Variants in EXOC2 observed in about 807,000 individuals in gnomAD.
The protein encoded by EXOC2 is exocyst complex component 2.
EXOC2 carries 70 observed loss-of-function variants against 131.8 expected under a neutral mutation model. That is an observed-to-expected ratio of 0.53 (90% CI 0.44 to 0.65). The LOEUF (loss-of-function observed/expected upper bound fraction) is 0.65. EXOC2 is among the 30% of genes least tolerant of loss of function. The probability of loss-of-function intolerance (pLI) is 0.00; values close to 1 mark genes in which losing one functional copy is unlikely to be tolerated. For missense variants in EXOC2, 923 were observed against 1,108.6 expected (o/e 0.83, Z 2.38); for synonymous variants, 411 against 398.4 (o/e 1.03, Z -0.38).
chr6:596,029 C>T (rs1167531036), intron 10 of EXOC2, among the ~76,000 whole-genome samples: 1 of 152,102 alleles, frequency 6.6e-6, no homozygotes, highest in African/African-American at 2.4e-5. Flanking sequence ...ACTGTGTGTG[C>T]TGGGCAAGCT....
intron 22 of EXOC2, among the ~76,000 whole-genome samples, chr6:546,803 CA>C (rs1709808985): frequency 6.6e-6 from 1 of 152,198 alleles, no homozygotes; most frequent in African/African-American, 2.4e-5. Context: ...CTGTTTTATT[CA>C]TAAGGCTTCC....
At chr6:677,934 TCACACA>T (rs1554150218) in intron 1 of EXOC2, among the ~76,000 whole-genome samples, 64 of 147,308 alleles carry the variant, frequency 4.3e-4, no homozygotes, top group Non-Finnish European at 6.0e-4. Context: ...TTATAATCTC[TCACACA>T]CACACACACA....
intron 1 of EXOC2, among the ~76,000 whole-genome samples, chr6:648,782 C>T (rs185870591): frequency 1.0e-3 from 146 of 139,466 alleles, no homozygotes; most frequent in African/African-American, 3.5e-3. Context: ...AGAGCAGTAG[C>T]GTGACCACGG....
intron 1 of EXOC2, chr6:670,036 A>T (rs189898851): frequency 1.3e-5 from 2 of 152,346 alleles, no homozygotes; most frequent in East Asian, 3.8e-4. Context: ...TGTCCATTGT[A>T]AGACAGAAAC....
intron 16 of EXOC2, among the ~76,000 whole-genome samples, chr6:563,166 C>G (rs896078033): frequency 1.3e-5 from 2 of 152,178 alleles, no homozygotes; most frequent in African/African-American, 4.8e-5. Flanking sequence ...TAGGCATGTA[C>G]AAAATAAGTC....
intron 25 of EXOC2, among the ~76,000 whole-genome samples, chr6:496,220 A>G (rs1322876260): frequency 6.6e-6 from 1 of 152,236 alleles, no homozygotes; most frequent in Non-Finnish European, 1.5e-5. Context: ...TGTATTAGGA[A>G]TAAGTCGTGT....
At chr6:534,457 C>G (rs1198446117) in intron 22 of EXOC2, among the ~76,000 whole-genome samples, 3 of 147,296 alleles carry the variant, frequency 2.0e-5, no homozygotes, top group Non-Finnish European at 4.5e-5. Flanking sequence ...GAGAGAGAGA[C>G]AGAGACAGAC....
intron 13 of EXOC2, among the ~76,000 whole-genome samples, chr6:571,704 C>T (rs901147669): frequency 4.6e-5 from 7 of 152,196 alleles, no homozygotes; most frequent in African/African-American, 1.7e-4. Context: ...AGAAAGTAGC[C>T]TTTACTCTCA....
chr6:630,127 G>A (rs1305037886), intron 3 of EXOC2, among the ~76,000 whole-genome samples, 166 bp from the exon 4 acceptor site: 1 of 152,134 alleles, frequency 6.6e-6, no homozygotes, highest in East Asian at 1.9e-4. Context: ...ATGACTAGTA[G>A]TTTAATTATA....
At chr6:647,279 T>G (rs1762616330) in intron 1 of EXOC2, among the ~76,000 whole-genome samples, 1 of 152,052 alleles carries the variant, frequency 6.6e-6, no homozygotes, top group Non-Finnish European at 1.5e-5. Context: ...AACAGTAGTA[T>G]TAAAACTTAA....
chr6:650,047 C>T (rs1394410976), intron 1 of EXOC2, among the ~76,000 whole-genome samples: 2 of 152,170 alleles, frequency 1.3e-5, no homozygotes, highest in African/African-American at 4.8e-5. Flanking sequence ...GAGCAAAGGA[C>T]ATCTTCAAAC....
chr6:616,001 T>C (rs1293741775), intron 6 of EXOC2, among the ~76,000 whole-genome samples: 1 of 152,196 alleles, frequency 6.6e-6, no homozygotes, highest in East Asian at 1.9e-4. Flanking sequence ...ACTTGGGAGA[T>C]TATACTTTCA....
In EXOC2 at chr6:501,145, TATTATATATATCTA is replaced by T. The variant is rs1180449347; in HGVS notation, c.2381-1459_2381-1446del. On this transcript the variant is annotated intron_variant, in intron 23 of 27. Transcript: ENST00000230449. ...TATATATATTATATATATCTATATA[TATTATATATATCTA>T]TATATATTATATATATCTATATATT... 4.4e-3 allele frequency among the ~76,000 whole-genome samples: 304 copies of T among 68,858 alleles called. 12 individuals carry two copies. Among genetic ancestry groups the T allele is most frequent in the East Asian group, 0.013 (34 of 2,562 alleles). 45.2% of individuals were successfully genotyped at this position (68,858 alleles called of 152,430 possible).
Position 540,673 on chromosome 6 carries a change from T to C in EXOC2, c.2239-8063A>G, listed in dbSNP as rs188165211. ...GAAAAAAATTAAGAGATGTGAAGAA[T>C]AGAGTGAGAAGGTCTAACATACACC... On this transcript the variant is annotated intron_variant, in intron 22 of 27. Coordinates refer to ENST00000230449, the MANE Select transcript of EXOC2 (RefSeq NM_018303.6). Among the ~76,000 whole-genome samples the C allele has an allele frequency of 3.9e-5, 6 of 152,018 alleles. No individual in the cohort carries two copies. The East Asian group carries it at 1.2e-3, about 29-fold the overall frequency.
chr6:504,793 G>A (rs1448653606), intron 23 of EXOC2, among the ~76,000 whole-genome samples: 1 of 152,178 alleles, frequency 6.6e-6, no homozygotes, highest in Admixed American at 6.5e-5. Flanking sequence ...TATCTATCAT[G>A]TGCTGGGCAT....
chr6:597,955 G>T lies in EXOC2; in HGVS notation c.1073+66C>A, dbSNP rs575258708. ...AAAGTCCCTCAAGTTAGCCTTAAGG[G>T]TTACAAGATGCATACAGTACCAAAC... is the stretch of plus-strand genomic sequence containing the variant. On this transcript the variant is annotated intron_variant, in intron 10 of 27. Coordinates refer to ENST00000230449, the MANE Select transcript of EXOC2 (RefSeq NM_018303.6). The T allele has an allele frequency of 6.8e-6, 8 of 1,174,214 alleles. No homozygotes were observed. In the Admixed American group the frequency reaches 1.2e-4, roughly 18 times the overall value. 72.7% of individuals were successfully genotyped at this position (1,174,214 alleles called of 1,614,324 possible).
chr6:597,616 G>C (rs1264143413), intron 10 of EXOC2, among the ~76,000 whole-genome samples: 3 of 152,232 alleles, frequency 2.0e-5, no homozygotes, highest in Non-Finnish European at 4.4e-5. Flanking sequence ...TTAAGCAGCA[G>C]CACATTCTTG....
At chr6:541,215 A>C (rs1766797816) in intron 22 of EXOC2, among the ~76,000 whole-genome samples, 1 of 152,240 alleles carries the variant, frequency 6.6e-6, no homozygotes, top group Admixed American at 6.5e-5. Context: ...TTGGAAATTT[A>C]AAATCATACT....
rs7774087 is a variant in EXOC2, at chr6:685,887, T to A, written c.-44+7132A>T. On this transcript the variant is annotated intron_variant, in intron 1 of 27. Coordinates refer to ENST00000230449, the MANE Select transcript of EXOC2 (RefSeq NM_018303.6). ...TGGACCTCTTTTTTTTTTTTTTTTT[T>A]TTTTTTGAGACGGAGTCTTGCTCTG... Among the ~76,000 whole-genome samples the A allele has an allele frequency of 4.4e-3, 632 of 142,396 alleles. 19 individuals carry two copies. The highest frequency in any genetic ancestry group is 0.015 in the African/African-American group (595 of 39,702). The allele number at this position is 142,396 out of a possible 152,430, so 93.4% of individuals were successfully genotyped here.
Sources: allele counts gnomAD v4.1 joint callset (sites outside exome capture counted in the v4.1 genomes callset), GRCh38; gene constraint gnomAD v4.1.1; transcripts MANE v1.5; gene names NCBI Gene and HGNC (gene_info 2026-07-23, HGNC 2026-07-21).